MYO16: variants seen among roughly 807,000 people sequenced by gnomAD.
MYO16 encodes the protein myosin XVI, also known as unconventional myosin-XVI.
A neutral mutation model predicts 205.3 loss-of-function variants in MYO16; 94 were observed. That is an observed-to-expected ratio of 0.46 (90% confidence interval 0.39 to 0.54). The LOEUF is 0.54. Among genes scored for constraint, MYO16 ranks in the 20% least tolerant of loss-of-function variants. The pLI is 0.00. For synonymous variants in MYO16, 988 were observed against 954.0 expected (o/e 1.04, Z -0.66); for missense variants, 2,315 against 2,387.5 (o/e 0.97, Z 0.63).
In MYO16 at chr13:109,140,347, A is replaced by C; in HGVS notation, c.4135A>C (p.Thr1379Pro). 2 of 1,602,526 alleles carry C rather than the reference A, an allele frequency of 1.2e-6. No individual in the cohort carries two copies. The highest frequency in any genetic ancestry group is 8.5e-7 in the Non-Finnish European group (1 of 1,178,782). The change falls in exon 32 of 35, where the codon ACC becomes CCC. Residue 1379 changes from threonine (T) to proline (P), a missense_variant. Thr to Pro is a conservative substitution (Grantham distance 38). This residue lies in a region of MYO16 where 1,097 missense variants were observed against 1,092.0 expected (regional missense o/e 1.00). Transcript: ENST00000457511. The surrounding 1 kb of genome is among the most constrained non-coding windows in gnomAD (Gnocchi z 8.0). ...TCGAAAGCCCAAGCGCAGCCCCAAC[A>C]CCAAGCTCAGCGGCTCCTACGAGGA... ...PPRKPKRSPNTKLSGSYEEIS... is the reference protein window; with the variant it reads ...PPRKPKRSPNPKLSGSYEEIS...
At chr13:108,993,049 C>T (rs560035392) in intron 21 of MYO16, among the ~76,000 whole-genome samples, 1 of 152,030 alleles carries the variant, frequency 6.6e-6, no homozygotes, top group Non-Finnish European at 1.5e-5. Flanking sequence ...ATACAACTCT[C>T]CTTATCAAAC....
chr13:108,871,453 T>C (rs888675511), intron 12 of MYO16, among the ~76,000 whole-genome samples: 2 of 151,576 alleles, frequency 1.3e-5, no homozygotes, highest in African/African-American at 2.4e-5. Context: ...AAAAAAACCA[T>C]AGGGCCCAGG....
intron 9 of MYO16, 98 bp downstream of exon 9, chr13:108,823,376 C>CA: frequency 8.7e-7 from 1 of 1,144,892 alleles, no homozygotes; most frequent in South Asian, 2.0e-5. Flanking sequence ...AGAGTTAGAA[C>CA]AATTAAAATG....
At chr13:108,620,982 G>A (rs1310738857) in intron 1 of MYO16, among the ~76,000 whole-genome samples, 1 of 152,130 alleles carries the variant, frequency 6.6e-6, no homozygotes, top group African/African-American at 2.4e-5. Flanking sequence ...AGCTGGCTGT[G>A]CCAGGTACTA....
At position 108,958,129 on chromosome 13, in the gene MYO16, A is replaced by G. The variant is rs572041396; in HGVS notation, c.2037+330A>G. On this transcript the variant is annotated intron_variant, in intron 17 of 34. Coordinates refer to ENST00000457511, the MANE Select transcript of MYO16 (RefSeq NM_001198950.3). ...AAAATGAATATAATATATACATTAT[A>G]TATATTTTTAAATATATATTTATAA... is the stretch of plus-strand genomic sequence containing the variant. Among the ~76,000 whole-genome samples the G allele has an allele frequency of 3.0e-4, 44 of 147,208 alleles. No homozygotes were observed. The South Asian group carries it at 9.2e-3, about 31-fold the overall frequency.
At chr13:108,660,591 C>T (rs776398670) in intron 1 of MYO16, among the ~76,000 whole-genome samples, 1 of 152,096 alleles carries the variant, frequency 6.6e-6, no homozygotes, top group Non-Finnish European at 1.5e-5. Context: ...TAAGAATAGC[C>T]ACCCCTGCTT....
chr13:109,202,748 A>G (rs1033362906), intron 34 of MYO16, among the ~76,000 whole-genome samples: 50 of 152,362 alleles, frequency 3.3e-4, no homozygotes, highest in African/African-American at 1.2e-3. Flanking sequence ...TAGCCAAAGC[A>G]AGACTAAGCA....
Position 109,000,488 on chromosome 13 carries a change from T to C in MYO16, c.2442+8040T>C, listed in dbSNP as rs566417553. Among the ~76,000 whole-genome samples the C allele has an allele frequency of 5.3e-5, 8 of 152,324 alleles. No homozygotes were observed. In the South Asian group the frequency reaches 1.7e-3, roughly 32 times the overall value. On this transcript the variant is annotated intron_variant, in intron 21 of 34. Coordinates refer to ENST00000457511, the MANE Select transcript of MYO16 (RefSeq NM_001198950.3). ...AACTTTGCATTTCATTCTGAATCAT[T>C]ACAACTATTTGAAAAAGGCTTATTA...
intron 32 of MYO16, among the ~76,000 whole-genome samples, chr13:109,163,465 TTCC>T (rs1878487017): frequency 6.7e-6 from 1 of 148,618 alleles, no homozygotes; most frequent in Non-Finnish European, 1.5e-5. Flanking sequence ...CCTTCCTTCC[TTCC>T]TTCCTTCCCT....
chr13:108,736,420 T>G (rs945416855), intron 4 of MYO16, among the ~76,000 whole-genome samples: 1 of 152,186 alleles, frequency 6.6e-6, no homozygotes, highest in African/African-American at 2.4e-5. Flanking sequence ...CCATTTCTTG[T>G]TTTTGTCAGG....
chr13:109,047,017 A>G, intron 24 of MYO16, 26 bp downstream of exon 24: 2 of 1,504,144 alleles, frequency 1.3e-6, no homozygotes, highest in Non-Finnish European at 1.8e-6. Flanking sequence ...TTCCTGCCCT[A>G]CACTGGTTAA....
At chr13:108,975,075 C>A (rs1246450711) in intron 20 of MYO16, among the ~76,000 whole-genome samples, 3 of 152,018 alleles carry the variant, frequency 2.0e-5, no homozygotes, top group Admixed American at 2.0e-4. Context: ...GGTGGGTTGC[C>A]ATTACTTCTG....
At chr13:108,737,366 A>G (rs1166478312) in intron 4 of MYO16, among the ~76,000 whole-genome samples, 3 of 152,148 alleles carry the variant, frequency 2.0e-5, no homozygotes, top group Non-Finnish European at 2.9e-5. Context: ...GAATTTTTTC[A>G]AAGGCCTTTT....
chr13:108,655,696 A>C (rs984202782), intron 1 of MYO16, among the ~76,000 whole-genome samples: 11 of 152,180 alleles, frequency 7.2e-5, no homozygotes, highest in African/African-American at 2.7e-4. Flanking sequence ...TATACCCTGC[A>C]AAGCCACAGG....
the MYO16 span, among the ~76,000 whole-genome samples, chr13:108,587,865 C>T: frequency 2.0e-5 from 3 of 151,526 alleles, no homozygotes; most frequent in Non-Finnish European, 2.9e-5. Flanking sequence ...CAGAAGCTAT[C>T]ATCTGGGTCA....
chr13:108,685,117 G>A (rs1331790762), intron 2 of MYO16, among the ~76,000 whole-genome samples: 7 of 151,530 alleles, frequency 4.6e-5, no homozygotes, highest in Non-Finnish European at 1.0e-4. Flanking sequence ...CCACCTTCCG[G>A]GTTCAAGCCA....
chr13:108,529,115 C>A, the MYO16 span, among the ~76,000 whole-genome samples: 5 of 152,174 alleles, frequency 3.3e-5, no homozygotes, highest in African/African-American at 1.2e-4. Flanking sequence ...CTCCTGCCTT[C>A]CAAACACCAG....
intron 2 of MYO16, among the ~76,000 whole-genome samples, chr13:108,675,648 A>G (rs1257696574): frequency 6.6e-6 from 1 of 152,220 alleles, no homozygotes; most frequent in Non-Finnish European, 1.5e-5. Context: ...GTGAGGTAGG[A>G]TGACACGAAT....
chr13:108,997,334 A>AGAGAGAG (rs1885049292), intron 21 of MYO16, among the ~76,000 whole-genome samples: 1 of 5,162 alleles, frequency 1.9e-4, no homozygotes, highest in Admixed American at 2.8e-3. Context: ...GAAAGAAAGA[A>AGAGAGAG]AGAAAGAGAG....
Sources: allele counts gnomAD v4.1 joint callset (sites outside exome capture counted in the v4.1 genomes callset), GRCh38; gene constraint gnomAD v4.1.1; regional missense constraint gnomAD v4.1.1; non-coding constraint Gnocchi (gnomAD v3.1); transcripts MANE v1.5; gene names NCBI Gene and HGNC (gene_info 2026-07-23, HGNC 2026-07-21).